The following TNS3 variants were observed in gnomAD, a reference collection of about 807,000 sequenced individuals.
TNS3 encodes the protein tensin-3.
In TNS3, 45 loss-of-function variants were observed where a neutral mutation model predicts 140.9. The ratio of observed to expected loss-of-function variants is 0.32; its 90% CI spans 0.25 to 0.41. The LOEUF (loss-of-function observed/expected upper bound fraction) is 0.41, where lower values mean the gene tolerates loss of function less well. Ranked by LOEUF, TNS3 falls within the 10% of genes least tolerant of loss-of-function variation. The pLI, the probability that TNS3 is intolerant of heterozygous loss-of-function variation, is 1.00. For synonymous variants in TNS3, 815 were observed against 788.4 expected (o/e 1.03, Z -0.56); for missense variants, 1,716 against 1,906.7 (o/e 0.90, Z 1.86).
At chr7:47,381,377 G>A (rs1791749170) in intron 16 of TNS3, among the ~76,000 whole-genome samples, 1 of 152,354 alleles carries the variant, frequency 6.6e-6, no homozygotes, top group Middle Eastern at 3.4e-3. Flanking sequence ...TCTGTGTTCA[G>A]TGTAGCAGAT....
intron 27 of TNS3, among the ~76,000 whole-genome samples, chr7:47,285,872 C>T (rs1290380121): frequency 6.6e-6 from 1 of 152,142 alleles, no homozygotes; most frequent in African/African-American, 2.4e-5. Context: ...AAGCAACCAG[C>T]AAGCGGTAAC....
At chr7:47,390,987 G>A (rs1792479532) in intron 16 of TNS3, among the ~76,000 whole-genome samples, 1 of 152,110 alleles carries the variant, frequency 6.6e-6, no homozygotes, top group African/African-American at 2.4e-5. Flanking sequence ...GATCCTCACT[G>A]TCACCCAGCA....
chr7:47,427,139 A>C (rs979747159), intron 9 of TNS3, among the ~76,000 whole-genome samples: 2 of 151,624 alleles, frequency 1.3e-5, no homozygotes, highest in African/African-American at 2.4e-5. Context: ...AAAAAAAAAA[A>C]AAAAAACAGA....
intron 4 of TNS3, among the ~76,000 whole-genome samples, chr7:47,457,090 C>T (rs1796276545): frequency 7.7e-6 from 1 of 129,168 alleles, no homozygotes; most frequent in Non-Finnish European, 1.6e-5. Context: ...TATCATTATC[C>T]CTGGAGGTGT....
chr7:47,312,150 C>T (rs769837803), intron 20 of TNS3, among the ~76,000 whole-genome samples: 3 of 152,240 alleles, frequency 2.0e-5, no homozygotes, highest in East Asian at 1.9e-4. Context: ...TACATGTGCA[C>T]GTTTTCTGCT....
chr7:47,403,893 T>C (rs1040442154), intron 13 of TNS3, among the ~76,000 whole-genome samples: 2 of 152,358 alleles, frequency 1.3e-5, no homozygotes, highest in South Asian at 2.1e-4. Context: ...ACAATCAACA[T>C]GGTACTTGGT....
In TNS3 at chr7:47,337,444, A is replaced by G. The variant is rs570583149; in HGVS notation, c.2650+7311T>C. Among the ~76,000 whole-genome samples, 12 of 152,366 alleles carry G rather than the reference A, an allele frequency of 7.9e-5. No homozygotes were observed. The East Asian group carries it at 2.3e-3, about 29-fold the overall frequency. Reference sequence around the variant, plus strand: ...ATGGAGATAGTGTTATACTAACTGCATACTAATTAACAAGAAGCCAGAACC... The same window carrying G: ...ATGGAGATAGTGTTATACTAACTGCGTACTAATTAACAAGAAGCCAGAACC... On this transcript the variant is annotated intron_variant, in intron 20 of 30. Transcript: ENST00000311160.
chr7:47,344,778 G>T lies in TNS3; in HGVS notation c.2627C>A (p.Ala876Asp). Residue 876 changes from alanine to aspartate, a missense_variant, in exon 20 of 31, where the codon GCC becomes GAC. Ala to Asp is a moderately radical substitution (Grantham distance 126). Coordinates refer to ENST00000311160, the MANE Select transcript of TNS3 (RefSeq NM_022748.12). ...ACCACGTCCTCCTTTGTGCTGACTG[G>T]CTGGGCTGCTCAGCGGGGGCTCAGG... ...SPPEPPLSSP[A>D]SQHKGGREPR... is the part of the protein sequence containing the mutation. The T allele has an allele frequency of 6.2e-7, 1 of 1,612,948 alleles. No individual in the cohort carries two copies. The highest frequency in any genetic ancestry group is 1.1e-5 in the South Asian group (1 of 91,026).
At chr7:47,363,540 T>C (rs544823264) in intron 17 of TNS3, among the ~76,000 whole-genome samples, 2 of 152,250 alleles carry the variant, frequency 1.3e-5, no homozygotes, top group East Asian at 1.9e-4. Context: ...AATCTGCAAA[T>C]AGTGAAAGAT....
chr7:47,496,664 G>A (rs1198138726), intron 3 of TNS3, among the ~76,000 whole-genome samples: 1 of 152,234 alleles, frequency 6.6e-6, no homozygotes, highest in East Asian at 1.9e-4. Flanking sequence ...ACGCAGTACA[G>A]AACGCCAGGC....
intron 2 of TNS3, among the ~76,000 whole-genome samples, chr7:47,516,887 A>AC (rs1798794947): frequency 1.3e-5 from 2 of 152,086 alleles, no homozygotes; most frequent in South Asian, 4.1e-4. Context: ...ACATGGTGAA[A>AC]CCCCAACTCT....
intron 13 of TNS3, chr7:47,403,498 T>C (rs1793273986): frequency 6.6e-6 from 1 of 152,262 alleles, no homozygotes; most frequent in Non-Finnish European, 1.5e-5. Context: ...TGGCCCTCCC[T>C]TCAGGGGTTT....
chr7:47,430,322 C>T (rs1187370523), intron 8 of TNS3, among the ~76,000 whole-genome samples: 1 of 151,904 alleles, frequency 6.6e-6, no homozygotes. Flanking sequence ...TAGAGACGGG[C>T]TTGCTCCATG....
At chr7:47,398,825 G>A (rs1211115038) in intron 15 of TNS3, among the ~76,000 whole-genome samples, 1 of 152,054 alleles carries the variant, frequency 6.6e-6, no homozygotes, top group East Asian at 1.9e-4. Context: ...TACTGCCAGA[G>A]CAATCAGCTA....
chr7:47,369,572 C>T lies in TNS3; in HGVS notation c.1074G>A (p.Arg358=), dbSNP rs780450319. ...PVDGSLYAKV[R]KKSSSDPGIP... ...TGCCAGGATCCGAGGAGCTTTTCTTCCTCACCTTCGCGTAAAGGCTGCCAT... is the reference window on the plus strand; with the variant it reads ...TGCCAGGATCCGAGGAGCTTTTCTTTCTCACCTTCGCGTAAAGGCTGCCAT... Residue 358 remains arginine (R), a synonymous_variant, in exon 17 of 31, where the codon AGG becomes AGA. Coordinates refer to ENST00000311160, the MANE Select transcript of TNS3 (RefSeq NM_022748.12). The T allele has an allele frequency of 5.0e-6, 8 of 1,609,100 alleles. No homozygotes were observed. The highest frequency in any genetic ancestry group is 5.9e-6 in the Non-Finnish European group (7 of 1,177,370).
At chr7:47,389,932 T>G (rs1174483956) in intron 16 of TNS3, among the ~76,000 whole-genome samples, 3 of 152,218 alleles carry the variant, frequency 2.0e-5, no homozygotes, top group Non-Finnish European at 2.9e-5. Context: ...TGATGACAGC[T>G]GCTTTTCACT....
intron 16 of TNS3, among the ~76,000 whole-genome samples, chr7:47,370,895 G>C (rs1217157391): frequency 6.6e-6 from 1 of 152,362 alleles, no homozygotes; most frequent in East Asian, 1.9e-4. Context: ...CCGGGCTCCA[G>C]GTTGATGCAC....
intron 13 of TNS3, among the ~76,000 whole-genome samples, chr7:47,406,266 C>T (rs1012294279): frequency 1.3e-5 from 2 of 152,240 alleles, no homozygotes; most frequent in Middle Eastern, 3.4e-3. Context: ...CTGGCTGTGT[C>T]GAGGCGAAGG....
chr7:47,501,959 G>T (rs73095180), intron 3 of TNS3, among the ~76,000 whole-genome samples: 23,561 of 152,112 alleles, frequency 0.15, 2,247 homozygotes, highest in East Asian at 0.3. Context: ...TTTTAGAGAA[G>T]TTGGCCCTGG....
Sources: allele counts gnomAD v4.1 joint callset (sites outside exome capture counted in the v4.1 genomes callset), GRCh38; gene constraint gnomAD v4.1.1; transcripts MANE v1.5; gene names NCBI Gene and HGNC (gene_info 2026-07-23, HGNC 2026-07-21).